MKLN1: variants seen among roughly 807,000 people sequenced by gnomAD.
MKLN1 encodes muskelin 1, also known as muskelin.
A neutral mutation model predicts 99.0 loss-of-function variants in MKLN1; 18 were observed. That is an observed-to-expected ratio of 0.18 (90% CI 0.13 to 0.27). The LOEUF (loss-of-function observed/expected upper bound fraction) is 0.27, where lower values mean the gene tolerates loss of function less well. Ranked by LOEUF, MKLN1 falls within the 10% of genes least tolerant of loss-of-function variation. The pLI, the probability that MKLN1 is intolerant of heterozygous loss-of-function variation, is 1.00. For synonymous variants in MKLN1, 288 were observed against 293.2 expected, an observed-to-expected ratio of 0.98 and a Z score of 0.18; for missense variants, 621 against 875.9, an observed-to-expected ratio of 0.71 and a Z score of 3.67.
At chr7:131,323,550 C>G (rs1047287368), upstream of MKLN1, 8 of 152,120 alleles carry the variant, frequency 5.3e-5, no homozygotes, top group Admixed American at 2.0e-4. Context: ...ATGATCATTC[C>G]AGGTTAGATG....
In MKLN1 at chr7:131,185,309, G is replaced by A. The variant is rs143132314; in HGVS notation, c.-296-17548G>A. Among the ~76,000 whole-genome samples the A allele has an allele frequency of 6.6e-5, 10 of 152,126 alleles. No homozygotes were observed. The East Asian group carries it at 1.9e-3, about 29-fold the overall frequency. ...ACTTTCCCTAGGGGCCCGGCACGGT[G>A]GCTCACACCTGTAATCCCAGCACTT... is the stretch of plus-strand genomic sequence containing the variant. On this transcript the variant is annotated intron_variant, in intron 2 of 7. Coordinates refer to the MKLN1 transcript ENST00000416992.
intron 12 of MKLN1, among the ~76,000 whole-genome samples, chr7:131,454,833 A>G (rs1023949141): frequency 6.6e-6 from 1 of 152,202 alleles, no homozygotes; most frequent in African/African-American, 2.4e-5. Flanking sequence ...TGGGTGCTCT[A>G]TATAAGGATG....
intron 8 of MKLN1, among the ~76,000 whole-genome samples, chr7:131,423,402 A>G (rs1218519819): frequency 6.6e-6 from 1 of 152,112 alleles, no homozygotes; most frequent in East Asian, 1.9e-4. Flanking sequence ...GCACAGTCTC[A>G]GCTCACTGCA....
chr7:131,459,624 A>G (rs538813850), intron 12 of MKLN1, among the ~76,000 whole-genome samples: 98 of 152,168 alleles, frequency 6.4e-4, no homozygotes, highest in Admixed American at 8.5e-4. Context: ...ATTCCTCTGT[A>G]TATAATAATC....
chr7:131,245,540 A>G (rs1488245777), intron 3 of MKLN1, among the ~76,000 whole-genome samples: 1 of 152,138 alleles, frequency 6.6e-6, no homozygotes, highest in Non-Finnish European at 1.5e-5. Flanking sequence ...TCGGCCTCCC[A>G]AAGTGCTGGG....
chr7:131,210,065 GT>G (rs1175197851), intron 3 of MKLN1, among the ~76,000 whole-genome samples: 1 of 152,152 alleles, frequency 6.6e-6, no homozygotes, highest in Non-Finnish European at 1.5e-5. Flanking sequence ...AAATCTTGTT[GT>G]TTGATATAAG....
At chr7:131,406,469 A>G (rs556998310) in intron 6 of MKLN1, among the ~76,000 whole-genome samples, 7 of 151,984 alleles carry the variant, frequency 4.6e-5, no homozygotes, top group East Asian at 3.9e-4. Flanking sequence ...ATTGTTGTCA[A>G]TTGCTCTATT....
intron 12 of MKLN1, among the ~76,000 whole-genome samples, chr7:131,458,712 CAT>C (rs956336862): frequency 1.3e-4 from 20 of 150,256 alleles, no homozygotes; most frequent in African/African-American, 2.9e-4. Flanking sequence ...AGTTTATATA[CAT>C]ATATATATAT....
intron 4 of MKLN1, among the ~76,000 whole-genome samples, chr7:131,395,387 G>A (rs1283399220): frequency 6.6e-6 from 1 of 151,882 alleles, no homozygotes; most frequent in Non-Finnish European, 1.5e-5. Flanking sequence ...CAGGATACTA[G>A]ACAGATGTGT....
chr7:131,351,104 C>T (rs1247297157), intron 1 of MKLN1, among the ~76,000 whole-genome samples: 2 of 151,844 alleles, frequency 1.3e-5, no homozygotes, highest in Admixed American at 6.6e-5. Context: ...TTCCATTAGC[C>T]AGGTGTGGTG....
At chr7:131,265,507 A>G (rs986587880) in intron 3 of MKLN1, among the ~76,000 whole-genome samples, 1 of 151,986 alleles carries the variant, frequency 6.6e-6, no homozygotes, top group African/African-American at 2.4e-5. Flanking sequence ...TGATTCCCCG[A>G]TGCCTACCAA....
rs1157997537 is a variant in MKLN1, at chr7:131,494,563, A to T, written c.*6835A>T. 1 of 152,204 alleles carries T rather than the reference A, an allele frequency of 6.6e-6. No homozygotes were observed. The highest frequency in any genetic ancestry group is 1.5e-5 in the Non-Finnish European group (1 of 68,042). 9.4% of individuals were successfully genotyped at this position (152,204 alleles called of 1,614,324 possible). ...GGGAAGATAAATTTATTAAAGAGTC[A>T]TGTACTGATCTTTTTCTTGGGATTT... On this transcript the variant is annotated 3_prime_UTR_variant, in exon 18 of 18. Transcript: ENST00000352689.
chr7:131,270,861 CT>C (rs59225684), intron 3 of MKLN1, among the ~76,000 whole-genome samples: 20 of 148,354 alleles, frequency 1.3e-4, no homozygotes, highest in African/African-American at 2.2e-4. Context: ...CTTGAATCAC[CT>C]TTTTTTTTTC....
At chr7:131,148,451 T>G (rs986552336) in intron 2 of MKLN1, among the ~76,000 whole-genome samples, 51 of 152,210 alleles carry the variant, frequency 3.4e-4, no homozygotes, top group African/African-American at 1.2e-3. Flanking sequence ...TTGCCCAGCT[T>G]TCTCTCCATA....
chr7:131,111,769 CATAAATAA>C (rs56257390), intron 1 of MKLN1, among the ~76,000 whole-genome samples: 106,593 of 151,278 alleles, frequency 0.7, 39,081 homozygotes, highest in Non-Finnish European at 0.83. Flanking sequence ...AAATGAAACG[CATAAATAA>C]ATAAATAAAT....
chr7:131,120,390 CAAA>C lies in MKLN1; in HGVS notation c.-419+10190_-419+10192del, dbSNP rs548981792. On this transcript the variant is annotated intron_variant, in intron 1 of 7. Coordinates refer to the MKLN1 transcript ENST00000416992. ...AAATACAAAAAAACAAACAAACAAA[CAAA>C]AAAAAACTAGCCAGGTGTGGCGGTG... Among the ~76,000 whole-genome samples, 11 of 142,806 alleles carry C rather than the reference CAAA, an allele frequency of 7.7e-5. No individual in the cohort carries two copies. In the East Asian group the frequency reaches 2.2e-3, roughly 28 times the overall value. The allele number at this position is 142,806 out of a possible 152,430, so 93.7% of individuals were successfully genotyped here. A position where few individuals can be genotyped will look rare whatever the true frequency, so the allele number is the denominator to read the frequency against.
chr7:131,117,128 G>A (rs1391909829), intron 1 of MKLN1, among the ~76,000 whole-genome samples: 1 of 152,014 alleles, frequency 6.6e-6, no homozygotes, highest in African/African-American at 2.4e-5. Flanking sequence ...TAGAGAAGTG[G>A]TTAAATAAAT....
intron 3 of MKLN1, among the ~76,000 whole-genome samples, chr7:131,208,232 T>G (rs1796848442): frequency 1.3e-5 from 2 of 152,250 alleles, no homozygotes; most frequent in Admixed American, 6.5e-5. Flanking sequence ...TAATGTTGCT[T>G]ATTCATTGTG....
intron 3 of MKLN1, among the ~76,000 whole-genome samples, chr7:131,220,736 C>T (rs1246776517): frequency 6.6e-6 from 1 of 152,120 alleles, no homozygotes; most frequent in Non-Finnish European, 1.5e-5. Context: ...GTCTAAAAAA[C>T]ATCTTAAGTG....
Sources: allele counts gnomAD v4.1 joint callset (sites outside exome capture counted in the v4.1 genomes callset), GRCh38; gene constraint gnomAD v4.1.1; transcripts MANE v1.5; gene names NCBI Gene and HGNC (gene_info 2026-07-23, HGNC 2026-07-21).